Variants in ZNF639 observed in about 807,000 individuals in gnomAD.
ZNF639 encodes zinc finger amplified in esophageal squamous cell carcinomas 1.
A neutral mutation model predicts 39.8 loss-of-function variants in ZNF639; 20 were observed. The observed-to-expected ratio is 0.50, with a 90% confidence interval of 0.35 to 0.73. The LOEUF (loss-of-function observed/expected upper bound fraction) is 0.73, where lower values mean the gene tolerates loss of function less well. Among genes scored for constraint, ZNF639 ranks in the 30% least tolerant of loss-of-function variants. The probability of loss-of-function intolerance (pLI) is 0.00; values close to 1 mark genes in which losing one functional copy is unlikely to be tolerated. For synonymous variants in ZNF639, 176 were observed against 189.8 expected (o/e 0.93, Z 0.60); for missense variants, 477 against 566.2 (o/e 0.84, Z 1.60).
Position 179,332,971 on chromosome 3 carries a change from C to A in ZNF639, c.170-18C>A. 1 of 1,531,686 alleles carries A rather than the reference C, an allele frequency of 6.5e-7. No individual in the cohort carries two copies. Among genetic ancestry groups the A allele is most frequent in the African/African-American group, 1.4e-5 (1 of 71,904 alleles). The allele number at this position is 1,531,686 out of a possible 1,614,324, so 94.9% of individuals were successfully genotyped here. Reference sequence around the variant, plus strand: ...GATTGTATAAATAATAAGTATTCTTCCAAATCCCTTTTTACAGATGATGAT... The same window carrying A: ...GATTGTATAAATAATAAGTATTCTTACAAATCCCTTTTTACAGATGATGAT... On this transcript the variant is annotated intron_variant, in intron 4 of 5. Transcript: ENST00000496856.
At position 179,333,283 on chromosome 3, in the gene ZNF639, A is replaced by G; in HGVS notation, c.319A>G (p.Ile107Val). The change falls in exon 6 of 6, where the codon ATT (isoleucine) becomes GTT (valine). Residue 107 changes from isoleucine (I) to valine (V), a missense_variant. Physicochemically the swap from Ile to Val is conservative, Grantham distance 29 (BLOSUM62 3). Transcript: ENST00000496856. ...TTATTCTTCAGAAAAATCTGCTGAT[A>G]TTGTAATTTGTGATGAAGAGTGTGA... ...TAFSTEKSAD[I>V]VICDEECDSP... 2.5e-6 allele frequency: 4 copies of G among 1,601,612 alleles called. No individual in the cohort carries two copies. The highest frequency in any genetic ancestry group is 3.4e-6 in the Non-Finnish European group (4 of 1,174,198).
At chr3:179,332,624 C>T (rs917858945) in intron 4 of ZNF639, among the ~76,000 whole-genome samples, 1 of 152,188 alleles carries the variant, frequency 6.6e-6, no homozygotes, top group East Asian at 1.9e-4. Flanking sequence ...CTTGGTCCCT[C>T]GCAAAATGTT....
chr3:179,328,256 ATTTG>A (rs1560179349), intron 2 of ZNF639, 23 bp from the exon 3 acceptor site: 1 of 1,300,740 alleles, frequency 7.7e-7, no homozygotes, highest in Non-Finnish European at 1.1e-6. Context: ...TTTGTGACAT[ATTTG>A]TTAATTTTTT....
At chr3:179,327,360 GA>G (rs1727654960) in intron 1 of ZNF639, among the ~76,000 whole-genome samples, 200 bp from the exon 2 acceptor site, 1 of 152,118 alleles carries the variant, frequency 6.6e-6, no homozygotes. Context: ...TCATTTCAAA[GA>G]AATGTGGAAA....
intron 1 of ZNF639, 63 bp downstream of exon 1, chr3:179,323,354 G>C: frequency 1.0e-6 from 1 of 985,728 alleles, no homozygotes; most frequent in Non-Finnish European, 1.2e-6. Context: ...GCGGGCGTGC[G>C]GGCGCATCTT....
chr3:179,325,360 T>G (rs192687212), intron 1 of ZNF639: 1 of 152,290 alleles, frequency 6.6e-6, no homozygotes, highest in Non-Finnish European at 1.5e-5. Context: ...TTCTGTACAT[T>G]TCATGGTTGT....
At position 179,337,243 on chromosome 3, in the gene ZNF639, AGAGT is replaced by A. The variant is rs1245856412; in HGVS notation, c.*2825_*2828del. The A allele has an allele frequency of 3.4e-5, 5 of 148,686 alleles. No individual in the cohort carries two copies. Among genetic ancestry groups the A allele is most frequent in the Non-Finnish European group, 6.0e-5 (4 of 67,184 alleles). The allele number at this position is 148,686 out of a possible 1,614,324, so 9.2% of individuals were successfully genotyped here. ...GCCACCACATTCCAGCCTGGGTGAC[AGAGT>A]GAGACTGTCTCAAAAAAAAAAAAGA... On this transcript the variant is annotated 3_prime_UTR_variant, in exon 6 of 6. Transcript: ENST00000496856.
In ZNF639 at chr3:179,337,081, A is replaced by AC. The variant is rs1447860298; in HGVS notation, c.*2663dup. The AC allele has an allele frequency of 6.6e-6, 1 of 151,346 alleles. No homozygotes were observed. The highest frequency in any genetic ancestry group is 1.5e-5 in the Non-Finnish European group (1 of 67,936). The allele number at this position is 151,346 out of a possible 1,614,324, so 9.4% of individuals were successfully genotyped here. A position where few individuals can be genotyped will look rare whatever the true frequency, so the allele number is the denominator to read the frequency against. On this transcript the variant is annotated 3_prime_UTR_variant, in exon 6 of 6. Transcript: ENST00000496856. ...CCAGACCATCCTGGCTAACAGTGAA[A>AC]CCCCGTCTCTACTAAAAATACAAAA...
In ZNF639 at chr3:179,334,042, A is replaced by G. The variant is rs1176422464; in HGVS notation, c.1078A>G (p.Ser360Gly). 3 of 1,613,878 alleles carry G rather than the reference A, an allele frequency of 1.9e-6. No individual in the cohort carries two copies. In the African/African-American group the frequency reaches 4.0e-5, roughly 22 times the overall value. ...KYNNGEHGQYSLLSKITFDKC... is the reference protein window; with the variant it reads ...KYNNGEHGQYGLLSKITFDKC... Reference sequence around the variant, plus strand: ...TAACAATGGTGAACATGGACAGTATAGCCTCTTAAGCAAAATTACCTTTGA... The same window carrying G: ...TAACAATGGTGAACATGGACAGTATGGCCTCTTAAGCAAAATTACCTTTGA... Residue 360 changes from serine to glycine, a missense_variant, in exon 6 of 6, where the codon AGC (serine) becomes GGC (glycine). Ser to Gly is a moderately conservative substitution (Grantham distance 56, BLOSUM62 0). Coordinates refer to ENST00000496856, the MANE Select transcript of ZNF639 (RefSeq NM_001303426.2).
intron 3 of ZNF639, among the ~76,000 whole-genome samples, chr3:179,328,870 G>A (rs1727746234): frequency 6.6e-6 from 1 of 151,278 alleles, no homozygotes; most frequent in African/African-American, 2.4e-5. Flanking sequence ...CTGCTTTCTG[G>A]GTTCAAGTGA....
Position 179,327,019 on chromosome 3 carries a change from G to A in ZNF639, c.-82-542G>A, listed in dbSNP as rs534929478. ...AGCCTGGCCAACATGGTGAAACCCC[G>A]TCTCTGCTAAAAATAGAAAAATTAG... On this transcript the variant is annotated intron_variant, in intron 1 of 5. Coordinates refer to ENST00000496856, the MANE Select transcript of ZNF639 (RefSeq NM_001303426.2). Among the ~76,000 whole-genome samples the A allele has an allele frequency of 3.3e-5, 5 of 151,794 alleles. No individual in the cohort carries two copies. In the East Asian group the frequency reaches 9.8e-4, roughly 30 times the overall value.
At position 179,337,356 on chromosome 3, in the gene ZNF639, T is replaced by A. The variant is rs77174373; in HGVS notation, c.*2934T>A. 1 of 151,780 alleles carries A rather than the reference T, an allele frequency of 6.6e-6. No homozygotes were observed. The highest frequency in any genetic ancestry group is 2.4e-5 in the African/African-American group (1 of 41,324). 9.4% of individuals were successfully genotyped at this position (151,780 alleles called of 1,614,324 possible). On this transcript the variant is annotated 3_prime_UTR_variant, in exon 6 of 6. Transcript: ENST00000496856. ...ATATAATTTTGTACTTTTTTTTTTTTCAGACAGTCTTGCTCTGTTGCCCAG... is the reference window on the plus strand; with the variant it reads ...ATATAATTTTGTACTTTTTTTTTTTACAGACAGTCTTGCTCTGTTGCCCAG...
rs1727385725 is a variant in ZNF639, at chr3:179,323,299, T to A, written c.-83+8T>A. ...GCCTCGGGGGACTGACTGGTGAGTGTGAGGGAGGAGCGGGTGGGTCGGGCG... is the reference window on the plus strand; with the variant it reads ...GCCTCGGGGGACTGACTGGTGAGTGAGAGGGAGGAGCGGGTGGGTCGGGCG... On this transcript the variant is annotated splice_region_variant and intron_variant, in intron 1 of 5. Coordinates refer to ENST00000496856, the MANE Select transcript of ZNF639 (RefSeq NM_001303426.2). 1 of 984,642 alleles carries A rather than the reference T, an allele frequency of 1.0e-6. No homozygotes were observed. The allele number at this position is 984,642 out of a possible 1,614,324, so 61.0% of individuals were successfully genotyped here.
intron 3 of ZNF639, among the ~76,000 whole-genome samples, chr3:179,328,905 A>C (rs1435388570): frequency 6.6e-6 from 1 of 151,370 alleles, no homozygotes; most frequent in African/African-American, 2.4e-5. Context: ...CCTCCCAAGT[A>C]GCTGGGATTA....
At chr3:179,322,977 C>G (rs982653181), upstream of ZNF639, 2 of 985,162 alleles carry the variant, frequency 2.0e-6, no homozygotes, top group South Asian at 4.7e-5. Context: ...TCGCGCAGCC[C>G]GCTCCCTGCC....
chr3:179,325,660 G>A (rs766742678), intron 1 of ZNF639, among the ~76,000 whole-genome samples: 9 of 151,986 alleles, frequency 5.9e-5, no homozygotes, highest in Non-Finnish European at 2.9e-5. Context: ...TTGGGAGGCC[G>A]AGGCGGGCAG....
In ZNF639 at chr3:179,334,175, T is replaced by C. The variant is rs1381146633; in HGVS notation, c.1211T>C (p.Val404Ala). 1.2e-6 allele frequency: 2 copies of C among 1,614,022 alleles called. No homozygotes were observed. Among genetic ancestry groups the C allele is most frequent in the Non-Finnish European group, 1.7e-6 (2 of 1,180,008 alleles). Residue 404 changes from valine to alanine, a missense_variant, in exon 6 of 6, where the codon GTT becomes GCT. By Grantham distance (64) the Val-to-Ala change is moderately conservative. Transcript: ENST00000496856. ...GAACATACAAAAATTTTTCCTCATGTTTGTGATGACTGTGGGAAAGGCTTT... is the reference window on the plus strand; with the variant it reads ...GAACATACAAAAATTTTTCCTCATGCTTGTGATGACTGTGGGAAAGGCTTT... Reference protein sequence around the residue: ...AIEHTKIFPHVCDDCGKGFSS... With the variant: ...AIEHTKIFPHACDDCGKGFSS...
chr3:179,335,611 C>T lies in ZNF639; in HGVS notation c.*1189C>T, dbSNP rs544786853. 6.0e-4 allele frequency: 92 copies of T among 152,270 alleles called. 1 individual carries two copies. The highest frequency in any genetic ancestry group is 2.1e-3 in the African/African-American group (86 of 41,558). 9.4% of individuals were successfully genotyped at this position (152,270 alleles called of 1,614,324 possible). A position where few individuals can be genotyped will look rare whatever the true frequency, so the allele number is the denominator to read the frequency against. On this transcript the variant is annotated 3_prime_UTR_variant, in exon 6 of 6. Coordinates refer to ENST00000496856, the MANE Select transcript of ZNF639 (RefSeq NM_001303426.2). The stretch of plus-strand genomic sequence containing the variant: ...TACCTAGCAGAAATTTATGGTCTCA[C>T]AGTTGTGAAGGCCAGACATTCAAAA...
chr3:179,325,558 C>T (rs192592318), intron 1 of ZNF639, among the ~76,000 whole-genome samples: 67 of 152,250 alleles, frequency 4.4e-4, no homozygotes, highest in South Asian at 8.3e-4. Context: ...CGCACAGGAC[C>T]ATTTTGAAGA....
Sources: gnomAD v4.1 joint callset for allele counts (sites outside exome capture counted in the v4.1 genomes callset) on GRCh38, gnomAD v4.1.1 for gene constraint, MANE v1.5 for transcripts, NCBI Gene and HGNC (gene_info 2026-07-23, HGNC 2026-07-21) for gene names.